FRMPD3: variants seen among roughly 807,000 people sequenced by gnomAD.
FRMPD3 encodes the protein FERM and PDZ domain-containing protein 3.
A neutral mutation model predicts 97.9 loss-of-function variants in FRMPD3; 42 were observed. The observed-to-expected ratio is 0.43, with a 90% CI of 0.34 to 0.55. FRMPD3 has a LOEUF of 0.55. FRMPD3 is among the 20% of genes least tolerant of loss of function. The probability of loss-of-function intolerance (pLI) is 0.03; values close to 1 mark genes in which losing one functional copy is unlikely to be tolerated. For missense variants in FRMPD3, 1,303 were observed against 1,457.7 expected (o/e 0.89, Z 1.73); for synonymous variants, 577 against 581.1 (o/e 0.99, Z 0.10).
At position 107,512,035 on chromosome X, in the gene FRMPD3, C is replaced by T. The variant is rs546220384; in HGVS notation, c.-7-14547C>T. Among the ~76,000 whole-genome samples the T allele has an allele frequency of 4.9e-4, 54 of 109,367 alleles. 1 individual carries two copies. The South Asian group carries it at 0.022, about 44-fold the overall frequency. The allele number at this position is 109,367 out of a possible 115,157, so 95.0% of individuals were successfully genotyped here. ...TCCTACTTTCTTTTTTTTTTGATCT[C>T]CTCTTTCACACACACACACACGCGC... On this transcript the variant is annotated intron_variant, in intron 1 of 14. Transcript: ENST00000683843.
rs1026594480 is a variant in FRMPD3 at position 107,602,172 on chromosome X, C to T, written c.4133C>T (p.Ser1378Leu). Residue 1378 changes from serine (S) to leucine (L), a missense_variant, in exon 15 of 15, where the codon TCG becomes TTG. By Grantham distance (145) the Ser-to-Leu change is moderately radical. Around this residue, in one of 3 missense-constraint regions of FRMPD3, gnomAD observed 764 missense variants for 820.2 expected, o/e 0.93. Coordinates refer to ENST00000683843, the MANE Select transcript of FRMPD3 (RefSeq NM_001388459.1). ...SGVSCLTTCA[S>L]GGECLGAPNY... ...GTTTCGTGCCTGACCACGTGTGCCT[C>T]GGGGGGCGAGTGTCTGGGAGCTCCC... The T allele has an allele frequency of 1.7e-5, 20 of 1,209,237 alleles. No individual in the cohort carries two copies. Among genetic ancestry groups the T allele is most frequent in the South Asian group, 1.2e-4 (7 of 56,724 alleles).
intron 1 of FRMPD3, among the ~76,000 whole-genome samples, chrX:107,454,872 GA>G (rs1044635105): frequency 6.3e-5 from 7 of 111,458 alleles, no homozygotes; most frequent in African/African-American, 2.3e-4. Context: ...TTATAATGCA[GA>G]TTCCTGAGTC....
rs1287311114 is a variant in FRMPD3 at position 107,601,758 on chromosome X, A to G, written c.3719A>G (p.Gln1240Arg). 6 of 1,209,549 alleles carry G rather than the reference A, an allele frequency of 5.0e-6. No homozygotes were observed. Among genetic ancestry groups the G allele is most frequent in the Non-Finnish European group, 6.7e-6 (6 of 895,041 alleles). The change falls in exon 15 of 15, where the codon CAG becomes CGG. Residue 1240 changes from glutamine (Q) to arginine (R), a missense_variant. Gln to Arg is a conservative substitution (Grantham distance 43). Around this residue, in one of 3 missense-constraint regions of FRMPD3, gnomAD observed 764 missense variants for 820.2 expected, o/e 0.93. Coordinates refer to ENST00000683843, the MANE Select transcript of FRMPD3 (RefSeq NM_001388459.1). ...KETDERQAQL[Q>R]KVKQYELEFL... ...ACAGATGAGCGGCAGGCCCAACTGC[A>G]GAAGGTAAAGCAGTATGAACTGGAG... is the stretch of plus-strand genomic sequence containing the variant.
chrX:107,526,044 C>G (rs1390168429), intron 1 of FRMPD3, among the ~76,000 whole-genome samples: 1 of 110,694 alleles, frequency 9.0e-6, no homozygotes, highest in African/African-American at 3.3e-5. Context: ...TCACTGCACT[C>G]CAGCCTGGGT....
At chrX:107,472,385 A>G (rs1921086163) in intron 1 of FRMPD3, among the ~76,000 whole-genome samples, 2 of 111,529 alleles carry the variant, frequency 1.8e-5, no homozygotes, top group South Asian at 7.6e-4. Context: ...TATGTCCTGA[A>G]TGGTATTGCC....
chrX:107,531,742 CA>C (rs1922977223), intron 3 of FRMPD3, among the ~76,000 whole-genome samples: 1 of 111,661 alleles, frequency 9.0e-6, no homozygotes, highest in African/African-American at 3.3e-5. Context: ...GCTACCACAC[CA>C]ATATGAGGTG....
At chrX:107,526,439 C>G in intron 1 of FRMPD3, 143 bp from the exon 2 acceptor site, 1 of 414,431 alleles carries the variant, frequency 2.4e-6, no homozygotes. Context: ...GTCATCATCT[C>G]TGTTGGCTCC....
chrX:107,498,449 T>TA (rs1430007140), intron 1 of FRMPD3, among the ~76,000 whole-genome samples: 81 of 111,985 alleles, frequency 7.2e-4, no homozygotes, highest in African/African-American at 2.5e-3. Flanking sequence ...GACTGGTACT[T>TA]ACAACGACTT....
chrX:107,537,062 C>T (rs981936797), intron 4 of FRMPD3, among the ~76,000 whole-genome samples: 1 of 111,541 alleles, frequency 9.0e-6, no homozygotes, highest in Non-Finnish European at 1.9e-5. Context: ...CATTTTCTTA[C>T]CCCCTGTTCT....
intron 13 of FRMPD3, among the ~76,000 whole-genome samples, chrX:107,579,444 C>T (rs188094830): frequency 8.9e-6 from 1 of 112,513 alleles, no homozygotes; most frequent in African/African-American, 3.2e-5. Context: ...ATCAAGCACT[C>T]ATCATGTGCC....
chrX:107,571,235 G>A (rs978461513), intron 12 of FRMPD3, among the ~76,000 whole-genome samples: 9 of 111,837 alleles, frequency 8.0e-5, no homozygotes, highest in African/African-American at 1.3e-4. Flanking sequence ...AGGGACAAGC[G>A]TTACATTACA....
rs191731879 is a variant in FRMPD3, at chrX:107,464,979, G to A, written c.-8+14974G>A. Among the ~76,000 whole-genome samples, 156 of 111,799 alleles carry A rather than the reference G, an allele frequency of 1.4e-3. 1 individual carries two copies. Among genetic ancestry groups the A allele is most frequent in the Admixed American group, 1.9e-3 (20 of 10,537 alleles). ...ACCGTGCACAATAAAGAAGTGACTC[G>A]TTCATGCACATATATGGGAGAACCC... On this transcript the variant is annotated intron_variant, in intron 1 of 14. Coordinates refer to ENST00000683843, the MANE Select transcript of FRMPD3 (RefSeq NM_001388459.1).
At chrX:107,545,889 C>T in intron 5 of FRMPD3, 48 bp downstream of exon 5, 1 of 1,010,102 alleles carries the variant, frequency 9.9e-7, no homozygotes, top group Non-Finnish European at 1.4e-6. Flanking sequence ...CCATAATCTG[C>T]CTGGCTGTCA....
chrX:107,576,163 AC>A (rs1178525034), intron 12 of FRMPD3, among the ~76,000 whole-genome samples, 151 bp from the exon 13 acceptor site: 5 of 112,515 alleles, frequency 4.4e-5, no homozygotes, highest in Non-Finnish European at 9.4e-5. Context: ...ATCAGAATAA[AC>A]TATTTGTCAA....
chrX:107,593,700 G>A (rs1028389152), intron 13 of FRMPD3, among the ~76,000 whole-genome samples: 1 of 111,427 alleles, frequency 9.0e-6, no homozygotes, highest in Admixed American at 9.6e-5. Flanking sequence ...AGATCAGTTG[G>A]TTGTAAGTAT....
Position 107,560,329 on chromosome X carries a change from C to A in FRMPD3, c.835C>A (p.Leu279Ile). ...AGAGATGCTTTTGGGCCTTGCTGCG[C>A]TCCACATCTATATCACTGTCTCAGC... The part of the protein sequence containing the change: ...KPEMLLGLAA[L>I]HIYITVSATR... The change falls in exon 9 of 15, where the codon CTC (leucine) becomes ATC (isoleucine). Residue 279 changes from leucine to isoleucine, a missense_variant. Around this residue, in one of 3 missense-constraint regions of FRMPD3, gnomAD observed 535 missense variants for 618.6 expected, o/e 0.86. Coordinates refer to ENST00000683843, the MANE Select transcript of FRMPD3 (RefSeq NM_001388459.1). 8.3e-7 allele frequency: 1 copy of A among 1,209,546 alleles called. No individual in the cohort carries two copies.
At chrX:107,550,311 T>C (rs1289768800) in intron 6 of FRMPD3, among the ~76,000 whole-genome samples, 155 bp downstream of exon 6, 2 of 111,476 alleles carry the variant, frequency 1.8e-5, no homozygotes, top group Non-Finnish European at 3.8e-5. Flanking sequence ...GCTGCAAAAA[T>C]GCACAGTCCC....
chrX:107,594,995 G>A (rs1924100558), intron 13 of FRMPD3, among the ~76,000 whole-genome samples: 2 of 111,669 alleles, frequency 1.8e-5, no homozygotes, highest in Admixed American at 1.9e-4. Flanking sequence ...TTTCTCTTGT[G>A]ATTTTTTTCC....
rs748318360 is a variant in FRMPD3, at chrX:107,561,210, A to AAG, written c.1026+358_1026+359insGA. Among the ~76,000 whole-genome samples, 3 of 111,731 alleles carry AAG rather than the reference A, an allele frequency of 2.7e-5. No homozygotes were observed. The South Asian group carries it at 1.1e-3, about 42-fold the overall frequency. On this transcript the variant is annotated intron_variant, in intron 10 of 14. Coordinates refer to ENST00000683843, the MANE Select transcript of FRMPD3 (RefSeq NM_001388459.1). ...TAGGGAGGCACATGTTTTCCATGGA[A>AAG]ATGACTAGGCTGGTGTGGTGGCTCA...
Sources: allele counts gnomAD v4.1 joint callset (sites outside exome capture counted in the v4.1 genomes callset), GRCh38; gene constraint gnomAD v4.1.1; regional missense constraint gnomAD v4.1.1; transcripts MANE v1.5; gene names NCBI Gene and HGNC (gene_info 2026-07-23, HGNC 2026-07-21).